VAX2: variants seen among roughly 807,000 people sequenced by gnomAD.
The protein encoded by VAX2 is ventral anterior homeobox 2.
VAX2 carries 8 observed loss-of-function variants against 12.5 expected under a neutral mutation model. That is an observed-to-expected ratio of 0.64 (90% confidence interval 0.37 to 1.15). VAX2 has a LOEUF of 1.15. Among genes scored for constraint, VAX2 ranks in the 50% most tolerant of loss-of-function variants. The pLI, the probability that VAX2 is intolerant of heterozygous loss-of-function variation, is 0.01. For missense variants in VAX2, 476 were observed against 412.9 expected, an observed-to-expected ratio of 1.15 and a Z score of -1.32; for synonymous variants, 183 against 187.6, an observed-to-expected ratio of 0.98 and a Z score of 0.20.
intron 2 of VAX2, among the ~76,000 whole-genome samples, chr2:70,930,271 A>G (rs1414584644): frequency 6.6e-6 from 1 of 152,148 alleles, no homozygotes; most frequent in Non-Finnish European, 1.5e-5. Flanking sequence ...TTTAAATCTC[A>G]TCTTCTCCTG....
At chr2:70,905,663 C>G (rs1276896501) in intron 1 of VAX2, among the ~76,000 whole-genome samples, 3 of 152,232 alleles carry the variant, frequency 2.0e-5, no homozygotes, top group South Asian at 2.1e-4. Flanking sequence ...GAACTGCCAC[C>G]GCATCCCCTT....
At chr2:70,901,545 C>T (rs1289512908) in intron 1 of VAX2, among the ~76,000 whole-genome samples, 1 of 152,244 alleles carries the variant, frequency 6.6e-6, no homozygotes, top group Non-Finnish European at 1.5e-5. Context: ...GGCCCTCGTC[C>T]TCCTCTCGTC....
chr2:70,923,039 G>A (rs1482379827), intron 2 of VAX2, among the ~76,000 whole-genome samples: 6 of 149,182 alleles, frequency 4.0e-5, no homozygotes, highest in Non-Finnish European at 9.0e-5. Flanking sequence ...GTGTGTGCAC[G>A]TGTGTGCATG....
intron 1 of VAX2, among the ~76,000 whole-genome samples, chr2:70,918,478 CA>C (rs1679355578): frequency 6.6e-6 from 1 of 152,222 alleles, no homozygotes; most frequent in South Asian, 2.1e-4. Flanking sequence ...TGCCAGACAG[CA>C]CATCCCGAAT....
chr2:70,931,447 A>T (rs1679691686), intron 2 of VAX2, among the ~76,000 whole-genome samples: 1 of 152,180 alleles, frequency 6.6e-6, no homozygotes, highest in African/African-American at 2.4e-5. Context: ...CAAACCGGGC[A>T]ATGGCCAGAT....
chr2:70,920,635 G>T (rs1679436037), intron 1 of VAX2, among the ~76,000 whole-genome samples: 1 of 89,738 alleles, frequency 1.1e-5, no homozygotes, highest in South Asian at 4.3e-4. Context: ...ATGCATGCAT[G>T]CATGCACAGA....
chr2:70,917,751 C>A (rs542308320), intron 1 of VAX2, among the ~76,000 whole-genome samples: 34 of 52,932 alleles, frequency 6.4e-4, no homozygotes, highest in African/African-American at 5.3e-3. Context: ...GGTGGCAATC[C>A]CCCTTTTAGG....
intron 1 of VAX2, among the ~76,000 whole-genome samples, chr2:70,914,394 A>G (rs1231380588): frequency 6.6e-6 from 1 of 152,204 alleles, no homozygotes; most frequent in Non-Finnish European, 1.5e-5. Flanking sequence ...GGCTGCAGTG[A>G]GCATTGATAT....
At chr2:70,901,967 C>T (rs1440227878) in intron 1 of VAX2, among the ~76,000 whole-genome samples, 1 of 152,222 alleles carries the variant, frequency 6.6e-6, no homozygotes, top group East Asian at 1.9e-4. Context: ...TCTTCACACG[C>T]GCCGCTCGGG....
intron 1 of VAX2, 58 bp downstream of exon 1, chr2:70,900,926 C>T (rs1448906705): frequency 1.6e-6 from 2 of 1,276,762 alleles, no homozygotes; most frequent in Non-Finnish European, 2.0e-6. Context: ...CATACTGGGG[C>T]CCCCGACCTA....
chr2:70,911,843 A>C (rs2104765562), intron 1 of VAX2, among the ~76,000 whole-genome samples: 1 of 152,322 alleles, frequency 6.6e-6, no homozygotes. Context: ...ATTCATTATG[A>C]ATATTTTCTC....
At chr2:70,924,375 C>T (rs1203929686) in intron 2 of VAX2, 1 of 122,134 alleles carries the variant, frequency 8.2e-6, no homozygotes, top group Non-Finnish European at 1.9e-5. Flanking sequence ...TTTATGTTTA[C>T]TGTAGAGACG....
At chr2:70,901,353 C>CA (rs1553409750) in intron 1 of VAX2, among the ~76,000 whole-genome samples, 1 of 152,264 alleles carries the variant, frequency 6.6e-6, no homozygotes, top group East Asian at 1.9e-4. Flanking sequence ...CCGTCCCCGG[C>CA]AATCGGGACC....
intron 1 of VAX2, among the ~76,000 whole-genome samples, chr2:70,920,883 C>T (rs545772906): frequency 6.6e-6 from 1 of 152,246 alleles, no homozygotes; most frequent in East Asian, 1.9e-4. Context: ...GAGGCCTATT[C>T]ACATACATTT....
At position 70,900,753 on chromosome 2, in the gene VAX2, G is replaced by C; in HGVS notation, c.132G>C (p.Thr44=). The C allele has an allele frequency of 6.7e-7, 1 of 1,484,410 alleles. No homozygotes were observed. The highest frequency in any genetic ancestry group is 9.0e-7 in the Non-Finnish European group (1 of 1,116,744). The allele number at this position is 1,484,410 out of a possible 1,614,324, so 92.0% of individuals were successfully genotyped here. A position where few individuals can be genotyped will look rare whatever the true frequency, so the allele number is the denominator to read the frequency against. ...CTGATGGCGGTGGCCACAGCCCAACGGAGGTGGCCGGGACCTCAGCCTCCA... is the reference window on the plus strand; with the variant it reads ...CTGATGGCGGTGGCCACAGCCCAACCGAGGTGGCCGGGACCTCAGCCTCCA... ...LRADGGGHSP[T]EVAGTSASSP... is the part of the protein sequence containing the mutation. Residue 44 remains threonine (T), a synonymous_variant, in exon 1 of 3, where the codon ACG becomes ACC. Coordinates refer to ENST00000234392, the MANE Select transcript of VAX2 (RefSeq NM_012476.3).
Position 70,900,578 on chromosome 2 carries a change from C to A in VAX2, c.-44C>A, listed in dbSNP as rs1678892171. Reference sequence around the variant, plus strand: ...GGCGGGGAGCGGCGCTCCCGGCCAGCGTAGGCTGGCTCCGCCGTAGAGGGG... The same window carrying A: ...GGCGGGGAGCGGCGCTCCCGGCCAGAGTAGGCTGGCTCCGCCGTAGAGGGG... On this transcript the variant is annotated 5_prime_UTR_variant, in exon 1 of 3. Transcript: ENST00000234392. 2 of 1,236,966 alleles carry A rather than the reference C, an allele frequency of 1.6e-6. No individual in the cohort carries two copies. The highest frequency in any genetic ancestry group is 7.5e-5 in the South Asian group (2 of 26,828). The allele number at this position is 1,236,966 out of a possible 1,614,324, so 76.6% of individuals were successfully genotyped here. A position where few individuals can be genotyped will look rare whatever the true frequency, so the allele number is the denominator to read the frequency against.
At chr2:70,906,338 T>C (rs1185372601) in intron 1 of VAX2, among the ~76,000 whole-genome samples, 33 of 152,132 alleles carry the variant, frequency 2.2e-4, no homozygotes. Flanking sequence ...GCCCCAGGCT[T>C]GGATGTGGCC....
At chr2:70,927,808 C>A (rs1300691066) in intron 2 of VAX2, among the ~76,000 whole-genome samples, 2 of 151,818 alleles carry the variant, frequency 1.3e-5, no homozygotes, top group African/African-American at 4.8e-5. Context: ...CAAGAGATCG[C>A]GGAGGGGGGC....
intron 1 of VAX2, among the ~76,000 whole-genome samples, chr2:70,914,588 TATTA>T (rs146784550): frequency 0.23 from 35,500 of 151,096 alleles, 4,845 homozygotes; most frequent in Non-Finnish European, 0.3. Flanking sequence ...GCACCATTGT[TATTA>T]ATTGTCATCA....
Sources: allele counts gnomAD v4.1 joint callset (sites outside exome capture counted in the v4.1 genomes callset), GRCh38; gene constraint gnomAD v4.1.1; transcripts MANE v1.5; gene names NCBI Gene and HGNC (gene_info 2026-07-23, HGNC 2026-07-21).